The following DDX42 variants were observed in gnomAD, a reference collection of about 807,000 sequenced individuals.
The protein encoded by DDX42 is DEAD-box helicase 42.
In DDX42, 22 loss-of-function variants were observed where a neutral mutation model predicts 101.5. That is an observed-to-expected ratio of 0.22 (90% CI 0.15 to 0.31). The LOEUF (loss-of-function observed/expected upper bound fraction) is 0.31. Among genes scored for constraint, DDX42 ranks in the 10% least tolerant of loss-of-function variants. The pLI is 1.00. For synonymous variants in DDX42, 402 were observed against 401.2 expected (o/e 1.00, Z -0.02); for missense variants, 849 against 1,199.9 (o/e 0.71, Z 4.32).
chr17:63,815,830 A>G, intron 16 of DDX42, 157 bp downstream of exon 16: 1 of 411,064 alleles, frequency 2.4e-6, no homozygotes, highest in Non-Finnish European at 4.4e-6. Flanking sequence ...TGCAGTGCTC[A>G]TTCTTATGGT....
intron 6 of DDX42, among the ~76,000 whole-genome samples, chr17:63,802,084 G>A (rs2039777432): frequency 2.0e-5 from 3 of 152,132 alleles, no homozygotes; most frequent in African/African-American, 7.2e-5. Flanking sequence ...TGGTGTAAAA[G>A]CAGTGATAAG....
intron 13 of DDX42, 184 bp from the exon 14 acceptor site, chr17:63,811,748 T>G: frequency 1.4e-6 from 1 of 719,994 alleles, no homozygotes; most frequent in Non-Finnish European, 2.4e-6. Flanking sequence ...GTACACCAGG[T>G]GGAGAGCAAG....
At chr17:63,783,473 C>T (rs1024687500) in intron 1 of DDX42, among the ~76,000 whole-genome samples, 6 of 152,090 alleles carry the variant, frequency 3.9e-5, no homozygotes, top group South Asian at 2.1e-4. Context: ...CTTGGGAACA[C>T]CTCTTGTAAA....
chr17:63,807,635 T>A (rs1598339373), intron 8 of DDX42, 89 bp from the exon 9 acceptor site: 2 of 1,239,048 alleles, frequency 1.6e-6, no homozygotes, highest in East Asian at 4.7e-5. Flanking sequence ...AATAAAAATG[T>A]TAGTAGTCAT....
chr17:63,784,811 T>C (rs1246167746), intron 1 of DDX42, among the ~76,000 whole-genome samples: 1 of 152,150 alleles, frequency 6.6e-6, no homozygotes, highest in African/African-American at 2.4e-5. Context: ...TGCATTTTCC[T>C]TTGAGCAGTT....
chr17:63,779,875 C>A (rs1450698900), intron 1 of DDX42, among the ~76,000 whole-genome samples: 4 of 152,074 alleles, frequency 2.6e-5, no homozygotes, highest in Non-Finnish European at 5.9e-5. Context: ...ACTGCATCTG[C>A]CTCTTTTATT....
chr17:63,809,925 G>A (rs1223293268), intron 11 of DDX42, among the ~76,000 whole-genome samples: 4 of 152,136 alleles, frequency 2.6e-5, no homozygotes, highest in Admixed American at 6.6e-5. Context: ...ATATGCCTTT[G>A]ATCATAGAGG....
intron 15 of DDX42, among the ~76,000 whole-genome samples, chr17:63,814,377 C>A (rs2039950035): frequency 1.3e-5 from 2 of 152,248 alleles, no homozygotes; most frequent in South Asian, 4.1e-4. Flanking sequence ...ACAACTGGTA[C>A]AACCCAGCTG....
chr17:63,793,643 C>A (rs965082622), intron 3 of DDX42, among the ~76,000 whole-genome samples: 2 of 152,226 alleles, frequency 1.3e-5, no homozygotes, highest in East Asian at 1.9e-4. Context: ...AACACTCTTA[C>A]AAATTACAAC....
intron 6 of DDX42, among the ~76,000 whole-genome samples, chr17:63,802,768 GGCATGGTGGT>G (rs1483108036): frequency 6.6e-6 from 1 of 152,058 alleles, no homozygotes; most frequent in African/African-American, 2.4e-5. Context: ...GAATTAGCCA[GGCATGGTGGT>G]GCATGCCTGT....
In DDX42 at chr17:63,817,850, A is replaced by G. The variant is rs772411679; in HGVS notation, c.2269A>G (p.Thr757Ala). 10 of 1,614,176 alleles carry G rather than the reference A, an allele frequency of 6.2e-6. No individual in the cohort carries two copies. The highest frequency in any genetic ancestry group is 8.5e-6 in the Non-Finnish European group (10 of 1,180,038). Residue 757 changes from threonine to alanine, a missense_variant, in exon 18 of 18, where the codon ACC becomes GCC. By Grantham distance (58) the Thr-to-Ala change is moderately conservative (BLOSUM62 0). Coordinates refer to ENST00000389924, the MANE Select transcript of DDX42 (RefSeq NM_203499.3). ...QGHNSPDSPVTSAAKGIPGFG... is the reference protein window; with the variant it reads ...QGHNSPDSPVASAAKGIPGFG... ...CCATAACAGTCCTGACAGCCCCGTC[A>G]CCAGTGCCGCCAAGGGCATCCCAGG...
rs1568255219 is a variant in DDX42 at position 63,774,216 on chromosome 17, T to TGGCGGTGGCGGCGGC, written c.-174_-160dup. On this transcript the variant is annotated 5_prime_UTR_variant, in exon 1 of 18. Coordinates refer to ENST00000389924, the MANE Select transcript of DDX42 (RefSeq NM_203499.3). ...ACGGGCCGTGAGGCGGTGGCGGTGGTGGCGGTGGCGGCGGCGGTGGTGGTG... is the reference window on the plus strand; with the variant it reads ...ACGGGCCGTGAGGCGGTGGCGGTGGTGGCGGTGGCGGCGGCGGCGGTGGCGGCGGCGGTGGTGGTG... The TGGCGGTGGCGGCGGC allele has an allele frequency of 4.6e-6, 1 of 217,204 alleles. No individual in the cohort carries two copies. Among genetic ancestry groups the TGGCGGTGGCGGCGGC allele is most frequent in the Non-Finnish European group, 7.7e-6 (1 of 129,994 alleles). The allele number at this position is 217,204 out of a possible 1,614,324, so 13.5% of individuals were successfully genotyped here. A position where few individuals can be genotyped will look rare whatever the true frequency, so the allele number is the denominator to read the frequency against.
intron 1 of DDX42, 59 bp from the exon 2 acceptor site, chr17:63,786,975 C>T: frequency 6.3e-7 from 1 of 1,580,656 alleles, no homozygotes. Context: ...CGCGCCCGGC[C>T]CTTGGGGCTA....
chr17:63,814,151 G>C (rs1412619287), intron 15 of DDX42, among the ~76,000 whole-genome samples: 1 of 152,082 alleles, frequency 6.6e-6, no homozygotes, highest in African/African-American at 2.4e-5. Flanking sequence ...CAGCCTGTAT[G>C]GTGCCTCTTA....
chr17:63,780,920 C>T (rs952377201), intron 1 of DDX42, among the ~76,000 whole-genome samples: 1 of 152,174 alleles, frequency 6.6e-6, no homozygotes, highest in Non-Finnish European at 1.5e-5. Context: ...TCTGGAAATC[C>T]TATGACTTTT....
At chr17:63,810,185 A>G (rs937971472) in intron 11 of DDX42, 2 of 221,442 alleles carry the variant, frequency 9.0e-6, no homozygotes, top group Non-Finnish European at 1.8e-5. Context: ...TTCCAGTTTC[A>G]AGCGATTCTT....
intron 6 of DDX42, among the ~76,000 whole-genome samples, chr17:63,802,549 C>T (rs1018851821): frequency 1.3e-5 from 2 of 152,198 alleles, no homozygotes; most frequent in Non-Finnish European, 2.9e-5. Flanking sequence ...GGGTAGATCG[C>T]TTGAGCTCAG....
At chr17:63,799,210 C>G (rs1370761367) in intron 4 of DDX42, among the ~76,000 whole-genome samples, 2 of 152,104 alleles carry the variant, frequency 1.3e-5, no homozygotes, top group Non-Finnish European at 1.5e-5. Flanking sequence ...CTAGTATATG[C>G]CAAATACAAG....
At position 63,789,970 on chromosome 17, in the gene DDX42, A is replaced by T. The variant is rs140864785; in HGVS notation, c.222-2442A>T. ...TGTTTAAGTTTTAGCAAAGTCAGAGATCATTATTCTAAACAGCAGTTAACC... is the reference window on the plus strand; with the variant it reads ...TGTTTAAGTTTTAGCAAAGTCAGAGTTCATTATTCTAAACAGCAGTTAACC... On this transcript the variant is annotated intron_variant, in intron 2 of 17. Transcript: ENST00000389924. 2.3e-4 allele frequency among the ~76,000 whole-genome samples: 35 copies of T among 152,308 alleles called. No individual in the cohort carries two copies. The East Asian group carries it at 6.8e-3, about 29-fold the overall frequency.
Sources: gnomAD v4.1 joint callset for allele counts (sites outside exome capture counted in the v4.1 genomes callset) on GRCh38, gnomAD v4.1.1 for gene constraint, MANE v1.5 for transcripts, NCBI Gene and HGNC (gene_info 2026-07-23, HGNC 2026-07-21) for gene names.